The following YWHAQ variants were observed in gnomAD, a reference collection of about 807,000 sequenced individuals.
YWHAQ encodes 14-3-3 protein theta.
A neutral mutation model predicts 28.3 loss-of-function variants in YWHAQ; 6 were observed. The observed-to-expected ratio is 0.21, with a 90% CI of 0.12 to 0.42. YWHAQ has a LOEUF of 0.42. Among genes scored for constraint, YWHAQ ranks in the 10% least tolerant of loss-of-function variants. The pLI is 1.00. For missense variants in YWHAQ, 201 were observed against 305.6 expected (o/e 0.66, Z 2.55); for synonymous variants, 143 against 119.1 (o/e 1.20, Z -1.31).
intron 2 of YWHAQ, among the ~76,000 whole-genome samples, chr2:9,619,647 T>C (rs1039421698): frequency 1.3e-5 from 2 of 152,112 alleles, no homozygotes; most frequent in African/African-American, 4.8e-5. Context: ...CCACAGAGCA[T>C]AGCTATATTT....
intron 2 of YWHAQ, among the ~76,000 whole-genome samples, chr2:9,611,495 C>A (rs1327369165): frequency 6.6e-6 from 1 of 152,192 alleles, no homozygotes; most frequent in Non-Finnish European, 1.5e-5. Context: ...GCTCACAAAG[C>A]TAAAGGCCAC....
Position 9,606,888 on chromosome 2 carries a change from C to CTT in YWHAQ, c.295-15375_295-15374dup, listed in dbSNP as rs869191589. Among the ~76,000 whole-genome samples, 303 of 143,788 alleles carry CTT rather than the reference C, an allele frequency of 2.1e-3. 1 individual carries two copies. Among genetic ancestry groups the CTT allele is most frequent in the African/African-American group, 7.1e-3 (279 of 39,290 alleles). The allele number at this position is 143,788 out of a possible 152,430, so 94.3% of individuals were successfully genotyped here. On this transcript the variant is annotated intron_variant, in intron 2 of 5. Transcript: ENST00000238081. Reference sequence around the variant, plus strand: ...CAACACAACTGCATTTAATATTTTTCTTTTTTTTTTTTTTGAGACAGAGTC... The same window carrying CTT: ...CAACACAACTGCATTTAATATTTTTCTTTTTTTTTTTTTTTTGAGACAGAGTC...
At chr2:9,607,442 C>T (rs970646320) in intron 2 of YWHAQ, among the ~76,000 whole-genome samples, 4 of 150,302 alleles carry the variant, frequency 2.7e-5, no homozygotes, top group African/African-American at 7.3e-5. Context: ...CTCCTGACCT[C>T]GTGATCCACC....
At chr2:9,596,794 C>G (rs77479710) in intron 2 of YWHAQ, among the ~76,000 whole-genome samples, 45 of 152,204 alleles carry the variant, frequency 3.0e-4, no homozygotes, top group African/African-American at 9.4e-4. Context: ...TCCTTCGCCT[C>G]CCGGTTCAAG....
At chr2:9,589,636 G>A (rs151001706) in intron 3 of YWHAQ, among the ~76,000 whole-genome samples, 2 of 152,208 alleles carry the variant, frequency 1.3e-5, no homozygotes, top group African/African-American at 2.4e-5. Context: ...CCTAAATAAT[G>A]TAAACTTTAC....
intron 3 of YWHAQ, 100 bp from the exon 4 acceptor site, chr2:9,588,428 C>G: frequency 7.2e-7 from 1 of 1,383,558 alleles, no homozygotes; most frequent in Non-Finnish European, 9.7e-7. Context: ...TTGGTAGAAC[C>G]AAGATTTTTT....
rs536467062 is a variant in YWHAQ, at chr2:9,626,077, AAGAC to A, written c.294+4078_294+4081del. Reference sequence around the variant, plus strand: ...ATTAAGGTTACAAAGCTTTTACACTAAGACAGACAACTTCCAGAGATTCCCTACA... The same window carrying A: ...ATTAAGGTTACAAAGCTTTTACACTAAGACAACTTCCAGAGATTCCCTACA... On this transcript the variant is annotated intron_variant, in intron 2 of 5. Transcript: ENST00000238081. Among the ~76,000 whole-genome samples the A allele has an allele frequency of 8.5e-5, 13 of 152,376 alleles. No homozygotes were observed. In the South Asian group the frequency reaches 1.2e-3, roughly 15 times the overall value.
At chr2:9,612,628 G>C (rs1666970881) in intron 2 of YWHAQ, among the ~76,000 whole-genome samples, 1 of 152,156 alleles carries the variant, frequency 6.6e-6, no homozygotes, top group South Asian at 2.1e-4. Context: ...GCAACAACAA[G>C]GTGCCTCCCA....
chr2:9,611,047 G>A (rs1666937355), intron 2 of YWHAQ, among the ~76,000 whole-genome samples: 1 of 152,168 alleles, frequency 6.6e-6, no homozygotes, highest in Non-Finnish European at 1.5e-5. Context: ...AGACAAGTAA[G>A]CATAGTATAC....
chr2:9,610,778 G>C (rs1202552020), intron 2 of YWHAQ, among the ~76,000 whole-genome samples: 2 of 151,996 alleles, frequency 1.3e-5, no homozygotes, highest in East Asian at 3.9e-4. Flanking sequence ...AAAGTGCTGG[G>C]GTTACAGGCA....
At chr2:9,616,284 C>G (rs1385655203) in intron 2 of YWHAQ, among the ~76,000 whole-genome samples, 3 of 152,050 alleles carry the variant, frequency 2.0e-5, no homozygotes, top group Admixed American at 1.3e-4. Context: ...AAAATTGGAC[C>G]TTTTCCTCAC....
chr2:9,610,230 T>C (rs1371401625), intron 2 of YWHAQ, among the ~76,000 whole-genome samples: 1 of 152,202 alleles, frequency 6.6e-6, no homozygotes, highest in South Asian at 2.1e-4. Flanking sequence ...CAAGACGACA[T>C]GGGTCCATTT....
At chr2:9,622,054 G>A (rs986467496) in intron 2 of YWHAQ, among the ~76,000 whole-genome samples, 3 of 152,110 alleles carry the variant, frequency 2.0e-5, no homozygotes, top group African/African-American at 7.2e-5. Flanking sequence ...GGGGCTAGGG[G>A]AGGAATAGCA....
chr2:9,616,979 G>A, intron 2 of YWHAQ, among the ~76,000 whole-genome samples: 1 of 152,088 alleles, frequency 6.6e-6, no homozygotes, highest in Non-Finnish European at 1.5e-5. Flanking sequence ...TTTGTATTTG[G>A]AGACAGAGTC....
At chr2:9,627,390 C>G (rs1667268322) in intron 2 of YWHAQ, among the ~76,000 whole-genome samples, 1 of 152,206 alleles carries the variant, frequency 6.6e-6, no homozygotes, top group Non-Finnish European at 1.5e-5. Context: ...CCTATGTTAG[C>G]ACGCATGTTC....
chr2:9,607,926 T>C (rs564552737), intron 2 of YWHAQ, among the ~76,000 whole-genome samples: 6 of 152,120 alleles, frequency 3.9e-5, no homozygotes, highest in Admixed American at 3.9e-4. Context: ...TCAGCCAGGC[T>C]GGTCTCGAAC....
At chr2:9,600,044 A>G (rs1666656654) in intron 2 of YWHAQ, among the ~76,000 whole-genome samples, 2 of 152,246 alleles carry the variant, frequency 1.3e-5, no homozygotes, top group African/African-American at 4.8e-5. Flanking sequence ...TTCTACTCTC[A>G]TGAATGACTT....
chr2:9,605,105 T>C (rs1666793361), intron 2 of YWHAQ, among the ~76,000 whole-genome samples: 1 of 150,760 alleles, frequency 6.6e-6, no homozygotes, highest in Admixed American at 6.6e-5. Flanking sequence ...CAAAAATTCC[T>C]AAGAAAAAAT....
At position 9,613,338 on chromosome 2, in the gene YWHAQ, G is replaced by T. The variant is rs141042838; in HGVS notation, c.294+16821C>A. The stretch of plus-strand genomic sequence containing the variant: ...AAGGCATAAAACCCAACATTAACTG[G>T]AATATTTGCCAAATTAATGTCATGA... On this transcript the variant is annotated intron_variant, in intron 2 of 5. Coordinates refer to ENST00000238081, the MANE Select transcript of YWHAQ (RefSeq NM_006826.4). Among the ~76,000 whole-genome samples the T allele has an allele frequency of 1.6e-3, 241 of 152,240 alleles. 1 individual carries two copies. The highest frequency in any genetic ancestry group is 5.4e-3 in the African/African-American group (223 of 41,538).
Sources: gnomAD v4.1 joint callset for allele counts (sites outside exome capture counted in the v4.1 genomes callset) on GRCh38, gnomAD v4.1.1 for gene constraint, MANE v1.5 for transcripts, NCBI Gene and HGNC (gene_info 2026-07-23, HGNC 2026-07-21) for gene names.